The following ATP8B4 variants were observed in gnomAD, a reference collection of about 807,000 sequenced individuals.
The protein encoded by ATP8B4 is probable phospholipid-transporting ATPase IM.
Under a neutral mutation model 145.6 loss-of-function variants are expected in ATP8B4, and 133 were observed. The ratio of observed to expected loss-of-function variants is 0.91; its 90% confidence interval spans 0.79 to 1.05. The LOEUF is 1.05. Among genes scored for constraint, ATP8B4 ranks in the 50% least tolerant of loss-of-function variants. ATP8B4 has a pLI of 0.00. For synonymous variants in ATP8B4, 507 were observed against 492.9 expected (o/e 1.03, Z -0.38); for missense variants, 1,458 against 1,425.2 (o/e 1.02, Z -0.37).
chr15:50,142,675 G>A (rs190314628), intron 1 of ATP8B4, among the ~76,000 whole-genome samples: 1 of 152,294 alleles, frequency 6.6e-6, no homozygotes, highest in East Asian at 1.9e-4. Context: ...GTAATGAAAA[G>A]AGGCTGATGT....
chr15:49,879,338 AAG>A (rs879077064), intron 24 of ATP8B4, 36 bp downstream of exon 24: 1 of 1,550,146 alleles, frequency 6.5e-7, no homozygotes, highest in South Asian at 1.2e-5. Flanking sequence ...AAAGGCATAA[AAG>A]AGAAACTAAG....
intron 16 of ATP8B4, among the ~76,000 whole-genome samples, chr15:49,928,249 G>C (rs141807139): frequency 6.6e-6 from 1 of 152,120 alleles, no homozygotes; most frequent in East Asian, 1.9e-4. Context: ...GAACACAGAA[G>C]AATGTGGTTA....
In ATP8B4 at chr15:49,960,722, T is replaced by C. The variant is rs183220867; in HGVS notation, c.1287+1255A>G. On this transcript the variant is annotated intron_variant, in intron 14 of 27. Transcript: ENST00000284509. ...AAATAATCATGGGACAAAGGACAAATTGGGAAAAGAATACATAAAACTCAT... is the reference window on the plus strand; with the variant it reads ...AAATAATCATGGGACAAAGGACAAACTGGGAAAAGAATACATAAAACTCAT... Among the ~76,000 whole-genome samples, 108 of 152,304 alleles carry C rather than the reference T, an allele frequency of 7.1e-4. 1 individual carries two copies. Among genetic ancestry groups the C allele is most frequent in the Admixed American group, 5.2e-3 (79 of 15,304 alleles).
chr15:49,930,135 A>C (rs2041119176), intron 16 of ATP8B4, among the ~76,000 whole-genome samples: 1 of 152,094 alleles, frequency 6.6e-6, no homozygotes, highest in Admixed American at 6.6e-5. Flanking sequence ...GAAGTGAGCA[A>C]GCAAGGAGGG....
At chr15:50,127,168 G>C (rs61214575) in intron 1 of ATP8B4, among the ~76,000 whole-genome samples, 74,011 of 151,966 alleles carry the variant, frequency 0.49, 19,257 homozygotes, top group African/African-American at 0.67. Flanking sequence ...TTGATTTATG[G>C]CTCTGCCTGG....
chr15:50,101,829 CCA>C (rs2056372154), intron 2 of ATP8B4, among the ~76,000 whole-genome samples: 1 of 151,044 alleles, frequency 6.6e-6, no homozygotes, highest in African/African-American at 2.4e-5. Flanking sequence ...CCAAGACAGA[CCA>C]TATGAAAGTC....
chr15:49,926,709 T>G (rs1193116244), intron 16 of ATP8B4, among the ~76,000 whole-genome samples: 1 of 152,150 alleles, frequency 6.6e-6, no homozygotes, highest in African/African-American at 2.4e-5. Flanking sequence ...CTTAAATCAA[T>G]ATTTACTTAA....
At position 50,018,911 on chromosome 15, in the gene ATP8B4, A is replaced by C; in HGVS notation, c.363-7994T>G. 2 of 1,252,890 alleles carry C rather than the reference A, an allele frequency of 1.6e-6. 1 individual carries two copies. The highest frequency in any genetic ancestry group is 2.1e-6 in the Non-Finnish European group (2 of 957,816). 77.6% of individuals were successfully genotyped at this position (1,252,890 alleles called of 1,614,324 possible). ...TACATTTTTCTCAGGACCAGGATAA[A>C]TCTTCTTCCTTACAATTACCAGAGT... On this transcript the variant is annotated intron_variant, in intron 6 of 27. Coordinates refer to ENST00000284509, the MANE Select transcript of ATP8B4 (RefSeq NM_024837.4).
At position 49,916,973 on chromosome 15, in the gene ATP8B4, A is replaced by G. The variant is rs2039803809; in HGVS notation, c.2102T>C (p.Ile701Thr). The change falls in exon 20 of 28, where the codon ATA becomes ACA. Residue 701 changes from isoleucine (I) to threonine (T), a missense_variant. Ile to Thr is a moderately conservative substitution (Grantham distance 89). Transcript: ENST00000284509. ...CACTTCCACAGCATTATTCCCTGCT[A>G]TCACAAACACATCATTCATGTCGTC... ...LTDDMNDVFV[I>T]AGNNAVEVRE... is the part of the protein sequence containing the mutation. 6.2e-7 allele frequency: 1 copy of G among 1,613,918 alleles called. No homozygotes were observed. Among genetic ancestry groups the G allele is most frequent in the Non-Finnish European group, 8.5e-7 (1 of 1,179,914 alleles).
chr15:49,934,019 G>A lies in ATP8B4; in HGVS notation c.1451C>T (p.Ala484Val). ...CTCAGACATAACTTTTCACTTACCTGCGCTATTCTCTTCTGACATTACAGT... is the reference window on the plus strand; with the variant it reads ...CTCAGACATAACTTTTCACTTACCTACGCTATTCTCTTCTGACATTACAGT... ...CHTVMSEENS[A>V]GELIYQVQSP... is the part of the protein sequence containing the mutation. The change falls in exon 15 of 28, where the codon GCA becomes GTA. Residue 484 changes from alanine (A) to valine (V), a missense_variant and splice_region_variant. Coordinates refer to ENST00000284509, the MANE Select transcript of ATP8B4 (RefSeq NM_024837.4). 6.3e-7 allele frequency: 1 copy of A among 1,598,570 alleles called. No homozygotes were observed. Among genetic ancestry groups the A allele is most frequent in the African/African-American group, 1.4e-5 (1 of 73,888 alleles).
chr15:49,974,674 TTTTC>T (rs1220041460), intron 12 of ATP8B4, among the ~76,000 whole-genome samples: 3 of 152,296 alleles, frequency 2.0e-5, no homozygotes, highest in South Asian at 2.1e-4. Flanking sequence ...ACATCTACAT[TTTTC>T]TTTGTTTTTA....
At chr15:49,988,731 CTCCA>C (rs2046831127) in intron 9 of ATP8B4, among the ~76,000 whole-genome samples, 1 of 152,156 alleles carries the variant, frequency 6.6e-6, no homozygotes, top group African/African-American at 2.4e-5. Context: ...ATTACACTGA[CTCCA>C]TCCACTCTTC....
At chr15:50,073,190 C>G (rs2053966025) in intron 3 of ATP8B4, among the ~76,000 whole-genome samples, 1 of 151,208 alleles carries the variant, frequency 6.6e-6, no homozygotes. Context: ...CACCCATCAG[C>G]CCGTCATCTA....
chr15:49,995,845 A>T (rs1471690296), intron 9 of ATP8B4, among the ~76,000 whole-genome samples: 1 of 152,160 alleles, frequency 6.6e-6, no homozygotes, highest in Non-Finnish European at 1.5e-5. Flanking sequence ...ACCACTGAGG[A>T]GTGAAAGGGA....
chr15:50,006,280 T>C (rs1159537382), intron 7 of ATP8B4, among the ~76,000 whole-genome samples: 1 of 126,316 alleles, frequency 7.9e-6, no homozygotes, highest in Non-Finnish European at 1.5e-5. Context: ...GCTGTTCCTC[T>C]AGTCAAAAAA....
chr15:50,072,926 CTCT>C lies in ATP8B4; in HGVS notation c.87+1198_87+1200del, dbSNP rs1567305707. On this transcript the variant is annotated intron_variant, in intron 3 of 27. Transcript: ENST00000284509. ...GCATGAGTCACTGTGCCCGGCCTCTCTCTCTCTCTCTCTCTCTCTCTCTCTCTC... is the reference window on the plus strand; with the variant it reads ...GCATGAGTCACTGTGCCCGGCCTCTCCTCTCTCTCTCTCTCTCTCTCTCTC... Among the ~76,000 whole-genome samples the C allele has an allele frequency of 3.0e-3, 29 of 9,560 alleles. 2 individuals carry two copies. The highest frequency in any genetic ancestry group is 0.01 in the African/African-American group (28 of 2,682). The allele number at this position is 9,560 out of a possible 152,430, so 6.3% of individuals were successfully genotyped here.
At chr15:50,135,765 A>G (rs1219069057) in intron 1 of ATP8B4, among the ~76,000 whole-genome samples, 1 of 152,204 alleles carries the variant, frequency 6.6e-6, no homozygotes, top group African/African-American at 2.4e-5. Flanking sequence ...GAAGCAGAGT[A>G]CCATAAAGAG....
At chr15:49,974,430 T>TA (rs1237290720) in intron 12 of ATP8B4, among the ~76,000 whole-genome samples, 1 of 150,990 alleles carries the variant, frequency 6.6e-6, no homozygotes, top group African/African-American at 2.4e-5. Context: ...GGTCTTGCTA[T>TA]GTTGCCCAGG....
intron 14 of ATP8B4, among the ~76,000 whole-genome samples, chr15:49,947,838 G>T (rs1599347713): frequency 6.6e-6 from 1 of 151,964 alleles, no homozygotes; most frequent in African/African-American, 2.4e-5. Flanking sequence ...ACAGATGAAT[G>T]AATTTCAACA....
Sources: allele counts gnomAD v4.1 joint callset (sites outside exome capture counted in the v4.1 genomes callset), GRCh38; gene constraint gnomAD v4.1.1; transcripts MANE v1.5; gene names NCBI Gene and HGNC (gene_info 2026-07-23, HGNC 2026-07-21).